The following NAALADL1 variants were observed in gnomAD, a reference collection of about 807,000 sequenced individuals.
The protein encoded by NAALADL1 is aminopeptidase NAALADL1.
A neutral mutation model predicts 82.8 loss-of-function variants in NAALADL1; 77 were observed. The observed-to-expected ratio is 0.93, with a 90% confidence interval of 0.77 to 1.12. NAALADL1 has a LOEUF of 1.12. Among genes scored for constraint, NAALADL1 ranks in the 50% most tolerant of loss-of-function variants. The pLI, the probability that NAALADL1 is intolerant of heterozygous loss-of-function variation, is 0.00. For missense variants in NAALADL1, 956 were observed against 964.0 expected (o/e 0.99, Z 0.11); for synonymous variants, 358 against 399.2 (o/e 0.90, Z 1.23).
At chr11:65,046,155 G>T (rs1565217974) in intron 15 of NAALADL1, 34 bp downstream of exon 15, 1 of 1,613,932 alleles carries the variant, frequency 6.2e-7, no homozygotes. Context: ...GGGGTGCAGG[G>T]CTCCCCATAC....
upstream of NAALADL1, among the ~76,000 whole-genome samples, chr11:65,059,983 T>A (rs942750613): frequency 1.3e-5 from 2 of 152,086 alleles, no homozygotes; most frequent in African/African-American, 4.8e-5. Context: ...CAGGAGGGGC[T>A]GGGGGGGTCC....
rs536362910 is a variant in NAALADL1 at position 65,058,155 on chromosome 11, A to G, written c.281T>C (p.Leu94Pro). 11 of 1,614,014 alleles carry G rather than the reference A, an allele frequency of 6.8e-6. No homozygotes were observed. In the Admixed American group the frequency reaches 1.5e-4, roughly 22 times the overall value. Residue 94 changes from leucine to proline, a missense_variant, in exon 2 of 18, where the codon CTG becomes CCG. Leu to Pro is a moderately conservative substitution (Grantham distance 98, BLOSUM62 -3). Coordinates refer to ENST00000358658, the MANE Select transcript of NAALADL1 (RefSeq NM_005468.3). Reference protein sequence around the residue: ...LQRWKDPESGLDSAEASTYEV... With the variant: ...LQRWKDPESGPDSAEASTYEV... ...GTACGTGGAGGCCTCGGCCGAGTCC[A>G]GGCCTGACTCTGGGTCCTTCCAGCG...
intron 8 of NAALADL1, among the ~76,000 whole-genome samples, chr11:65,050,746 G>A (rs367769696): frequency 1.3e-5 from 2 of 152,132 alleles, no homozygotes; most frequent in South Asian, 2.1e-4. Context: ...GCCAGATTGC[G>A]CCACTGCACT....
At position 65,046,076 on chromosome 11, in the gene NAALADL1, C is replaced by G. The variant is rs748180501; in HGVS notation, c.1894G>C (p.Ala632Pro). Residue 632 changes from alanine to proline, a missense_variant, in exon 16 of 18, where the codon GCT (alanine) becomes CCT (proline). By Grantham distance (27) the Ala-to-Pro change is conservative. Coordinates refer to ENST00000358658, the MANE Select transcript of NAALADL1 (RefSeq NM_005468.3). The stretch of plus-strand genomic sequence containing the variant: ...GATATGCGTTGGCCCAAGGCTGCAG[C>G]TTCTGCCTCAAACTTCTCCACTGCA... ...VTAVEKFEAEAAALGQRISTL... is the reference protein window; with the variant it reads ...VTAVEKFEAEPAALGQRISTL... The G allele has an allele frequency of 2.9e-5, 47 of 1,614,020 alleles. No individual in the cohort carries two copies. Among genetic ancestry groups the G allele is most frequent in the Non-Finnish European group, 2.5e-6 (3 of 1,180,026 alleles).
At chr11:65,057,541 G>A (rs375910401) in intron 3 of NAALADL1, 48 bp from the exon 4 acceptor site, 2 of 1,577,998 alleles carry the variant, frequency 1.3e-6, no homozygotes, top group East Asian at 2.3e-5. Flanking sequence ...AGCGAAGTGT[G>A]GGTGGGGAAG....
At chr11:65,049,173 A>G (rs980552747) in intron 8 of NAALADL1, among the ~76,000 whole-genome samples, 1 of 151,808 alleles carries the variant, frequency 6.6e-6, no homozygotes, top group African/African-American at 2.4e-5. Flanking sequence ...GGCACACACC[A>G]CCGCGCCTGG....
chr11:65,053,508 C>A lies in NAALADL1; in HGVS notation c.1061G>T (p.Arg354Leu), dbSNP rs763580973. 1 of 1,613,752 alleles carries A rather than the reference C, an allele frequency of 6.2e-7. No homozygotes were observed. The highest frequency in any genetic ancestry group is 8.5e-7 in the Non-Finnish European group (1 of 1,179,930). ...GGGCTCACCAGGCTCCACAGCCCCA[C>A]GGATGATGCCCAGGACGTTGGAAGA... The part of the protein sequence containing the change: ...RNSSNVLGII[R>L]GAVEPDRYVL... Residue 354 changes from arginine to leucine, a missense_variant, in exon 7 of 18, where the codon CGT becomes CTT. By Grantham distance (102) the Arg-to-Leu change is moderately radical (BLOSUM62 -2). Coordinates refer to ENST00000358658, the MANE Select transcript of NAALADL1 (RefSeq NM_005468.3). This position sits in a 1 kb window ranked among gnomAD's most constrained non-coding sequence, Gnocchi z 4.3.
rs1429609021 is a variant in NAALADL1, at chr11:65,045,189, C to G, written c.*82G>C. ...GTCCTGTGGTAGTGCCCTCTTCTGG[C>G]ACCAAGGAAGACCAGGACATCTCAG... On this transcript the variant is annotated 3_prime_UTR_variant, in exon 18 of 18. Coordinates refer to ENST00000358658, the MANE Select transcript of NAALADL1 (RefSeq NM_005468.3). The G allele has an allele frequency of 1.4e-6, 2 of 1,478,422 alleles. No homozygotes were observed. Among genetic ancestry groups the G allele is most frequent in the Admixed American group, 2.1e-5 (1 of 46,974 alleles). The allele number at this position is 1,478,422 out of a possible 1,614,324, so 91.6% of individuals were successfully genotyped here. A position where few individuals can be genotyped will look rare whatever the true frequency, so the allele number is the denominator to read the frequency against.
In NAALADL1 at chr11:65,053,547, A is replaced by G. The variant is rs1427280757; in HGVS notation, c.1022T>C (p.Leu341Pro). The change falls in exon 7 of 18, where the codon CTG (leucine) becomes CCG (proline). Residue 341 changes from leucine (L) to proline (P), a missense_variant. Physicochemically the swap from Leu to Pro is moderately conservative, Grantham distance 98 (BLOSUM62 -3). Transcript: ENST00000358658. The surrounding 1 kb of genome is among the most constrained non-coding windows in gnomAD (Gnocchi z 4.3). ...SQVNVSVYNRLELRNSSNVLG... is the reference protein window; with the variant it reads ...SQVNVSVYNRPELRNSSNVLG... Reference sequence around the variant, plus strand: ...GACGTTGGAAGAGTTCCTCAGCTCCAGGCGGTTGTAGACGCTCACATTCAC... The same window carrying G: ...GACGTTGGAAGAGTTCCTCAGCTCCGGGCGGTTGTAGACGCTCACATTCAC... 1 of 1,610,612 alleles carries G rather than the reference A, an allele frequency of 6.2e-7. No individual in the cohort carries two copies. Among genetic ancestry groups the G allele is most frequent in the East Asian group, 2.2e-5 (1 of 44,840 alleles).
intron 8 of NAALADL1, among the ~76,000 whole-genome samples, chr11:65,051,443 C>T (rs1399965908): frequency 6.7e-6 from 1 of 149,086 alleles, no homozygotes. Flanking sequence ...CTCAAGTGTT[C>T]CTCCCACACA....
chr11:65,057,583 AT>A, intron 3 of NAALADL1, 90 bp from the exon 4 acceptor site: 1 of 1,476,876 alleles, frequency 6.8e-7, no homozygotes, highest in Non-Finnish European at 9.1e-7. Context: ...AGGAGGGAGA[AT>A]TTAGATTCTG....
intron 8 of NAALADL1, among the ~76,000 whole-genome samples, chr11:65,048,781 G>A (rs1444453346): frequency 6.6e-6 from 1 of 152,172 alleles, no homozygotes; most frequent in Non-Finnish European, 1.5e-5. Flanking sequence ...AATGCCTTGA[G>A]GGAGATACTA....
Position 65,048,446 on chromosome 11 carries a change from A to T in NAALADL1, c.1199-61T>A. Reference sequence around the variant, plus strand: ...CCTCCTGATCCTAGGGTGCCTTAGGAGAAAGGCTGCTGACGTGAGGAGGGG... The same window carrying T: ...CCTCCTGATCCTAGGGTGCCTTAGGTGAAAGGCTGCTGACGTGAGGAGGGG... On this transcript the variant is annotated intron_variant, in intron 8 of 17. Transcript: ENST00000358658. 3 of 1,587,982 alleles carry T rather than the reference A, an allele frequency of 1.9e-6. No individual in the cohort carries two copies. In the South Asian group the frequency reaches 3.3e-5, roughly 18 times the overall value.
chr11:65,061,169 C>A (rs1450924868), upstream of NAALADL1, among the ~76,000 whole-genome samples: 1 of 152,178 alleles, frequency 6.6e-6, no homozygotes, highest in African/African-American at 2.4e-5. Context: ...CACGTGGCCT[C>A]CCGGACACCA....
At position 65,058,475 on chromosome 11, in the gene NAALADL1, A is replaced by G. The variant is rs768712515; in HGVS notation, c.47T>C (p.Leu16Pro). ...GCCGAGGATGATCCCCAGCCCCAAGAGGGCAGCAGCCCCCAGCCCCAGCCC... is the reference window on the plus strand; with the variant it reads ...GCCGAGGATGATCCCCAGCCCCAAGGGGGCAGCAGCCCCCAGCCCCAGCCC... ...VLGLGLGAAA[L>P]LGLGIILGHF... Residue 16 changes from leucine to proline, a missense_variant, in exon 1 of 18, where the codon CTC (leucine) becomes CCC (proline). Leu to Pro is a moderately conservative substitution (Grantham distance 98). Transcript: ENST00000358658. 2 of 1,612,450 alleles carry G rather than the reference A, an allele frequency of 1.2e-6. No homozygotes were observed. The highest frequency in any genetic ancestry group is 2.7e-5 in the African/African-American group (2 of 74,624).
upstream of NAALADL1, among the ~76,000 whole-genome samples, chr11:65,058,843 A>G (rs2137044459): frequency 6.6e-6 from 1 of 152,288 alleles, no homozygotes. Context: ...CTGTGTTCAC[A>G]GCAGGGCCGT....
chr11:65,057,102 A>G (rs1947060098), intron 4 of NAALADL1, among the ~76,000 whole-genome samples: 1 of 152,232 alleles, frequency 6.6e-6, no homozygotes, highest in South Asian at 2.1e-4. Flanking sequence ...ACTATTTCAC[A>G]GGAGGACTTA....
rs1277436890 is a variant in NAALADL1, at chr11:65,053,560, C to G, written c.1009G>C (p.Val337Leu). Residue 337 changes from valine to leucine, a missense_variant, in exon 7 of 18, where the codon GTC becomes CTC. Coordinates refer to ENST00000358658, the MANE Select transcript of NAALADL1 (RefSeq NM_005468.3). This position sits in a 1 kb window ranked among gnomAD's most constrained non-coding sequence, Gnocchi z 4.3. ...TTCCTCAGCTCCAGGCGGTTGTAGA[C>G]GCTCACATTCACCTGGCTGGGGAGG... ...FPADSQVNVSVYNRLELRNSS... is the reference protein window; with the variant it reads ...FPADSQVNVSLYNRLELRNSS... 1.2e-6 allele frequency: 2 copies of G among 1,603,980 alleles called. No individual in the cohort carries two copies. Among genetic ancestry groups the G allele is most frequent in the Non-Finnish European group, 1.7e-6 (2 of 1,173,892 alleles).
intron 3 of NAALADL1, 30 bp from the exon 4 acceptor site, chr11:65,057,523 C>A: frequency 6.3e-7 from 1 of 1,598,742 alleles, no homozygotes; most frequent in Non-Finnish European, 8.5e-7. Context: ...ATCCTTAGAG[C>A]TGGGCCCAGC....
Sources: gnomAD v4.1 joint callset for allele counts (sites outside exome capture counted in the v4.1 genomes callset) on GRCh38, gnomAD v4.1.1 for gene constraint, Gnocchi (gnomAD v3.1) non-coding constraint, MANE v1.5 for transcripts, NCBI Gene and HGNC (gene_info 2026-07-23, HGNC 2026-07-21) for gene names.